The following SEM1 variants were observed in gnomAD, a reference collection of about 807,000 sequenced individuals.
The protein encoded by SEM1 is 26S proteasome complex subunit SEM1.
A neutral mutation model predicts 12.7 loss-of-function variants in SEM1; 3 were observed. The observed-to-expected ratio is 0.24, with a 90% CI of 0.11 to 0.61. The LOEUF is 0.61. SEM1 is among the 20% of genes least tolerant of loss of function. The pLI is 0.88. For synonymous variants in SEM1, 30 were observed against 27.8 expected (o/e 1.08, Z -0.25); for missense variants, 59 against 81.3 (o/e 0.73, Z 1.06).
At chr7:96,509,222 T>C (rs1336385582) in intron 2 of SEM1, among the ~76,000 whole-genome samples, 1 of 150,384 alleles carries the variant, frequency 6.6e-6, no homozygotes, top group Non-Finnish European at 1.5e-5. Context: ...ACCAGGCTGA[T>C]CTTAAACTCC....
chr7:96,682,238 A>C (rs535654334), intron 2 of SEM1, among the ~76,000 whole-genome samples: 51 of 152,232 alleles, frequency 3.4e-4, no homozygotes, highest in African/African-American at 1.2e-3. Flanking sequence ...TTGATTATGT[A>C]TCCTGATACT....
rs1268293246 is a variant in SEM1 at position 96,640,438 on chromosome 7, T to C, written c.171-17795A>G. On this transcript the variant is annotated intron_variant, in intron 2 of 2. Transcript: ENST00000417009. This position sits in a 1 kb window ranked among gnomAD's most constrained non-coding sequence, Gnocchi z 4.0. ...AGCCATGAAAAGACAAAGAGAAAAC[T>C]TAGGTGCATATTACCAAGTGAAGGA... is the stretch of plus-strand genomic sequence containing the variant. Among the ~76,000 whole-genome samples the C allele has an allele frequency of 1.3e-5, 2 of 151,894 alleles. No individual in the cohort carries two copies. The highest frequency in any genetic ancestry group is 2.9e-5 in the Non-Finnish European group (2 of 67,932).
chr7:96,553,250 T>C (rs1457329370), intron 2 of SEM1, among the ~76,000 whole-genome samples: 5 of 151,198 alleles, frequency 3.3e-5, no homozygotes, highest in Non-Finnish European at 5.9e-5. Flanking sequence ...TTTGGTGTTT[T>C]AGACATGAAG....
At chr7:96,671,701 T>C (rs1789321932), downstream of SEM1, among the ~76,000 whole-genome samples, 1 of 152,190 alleles carries the variant, frequency 6.6e-6, no homozygotes, top group Non-Finnish European at 1.5e-5. Flanking sequence ...GGAAAAAGCA[T>C]CCTACCCTGG....
chr7:96,695,397 G>C (rs1032121926), intron 1 of SEM1: 4 of 151,952 alleles, frequency 2.6e-5, no homozygotes, highest in African/African-American at 9.7e-5. Flanking sequence ...ACATAAATAT[G>C]CATAAAGAAG....
chr7:96,588,384 ACACACACACACAC>A (rs367963666), intron 2 of SEM1, among the ~76,000 whole-genome samples: 10,731 of 57,208 alleles, frequency 0.19, 400 homozygotes, highest in South Asian at 0.24. Context: ...ACACACACAC[ACACACACACACAC>A]GAGAGAGAGA....
intron 2 of SEM1, among the ~76,000 whole-genome samples, chr7:96,511,048 C>A (rs530662270): frequency 6.6e-5 from 10 of 152,198 alleles, no homozygotes; most frequent in African/African-American, 2.4e-4. Context: ...CTGAGGAAGG[C>A]TGACATTATC....
At chr7:96,487,357 C>G (rs1802816688) in intron 1 of SEM1, among the ~76,000 whole-genome samples, 1 of 149,916 alleles carries the variant, frequency 6.7e-6, no homozygotes, top group African/African-American at 2.5e-5. Context: ...AACACTAACC[C>G]AAAACATCGA....
chr7:96,709,240 G>A (rs1452878046), intron 1 of SEM1, among the ~76,000 whole-genome samples: 1 of 152,078 alleles, frequency 6.6e-6, no homozygotes, highest in Non-Finnish European at 1.5e-5. Flanking sequence ...TACTTAATGA[G>A]GCTTCATTTG....
intron 2 of SEM1, among the ~76,000 whole-genome samples, chr7:96,680,496 ATAATC>A (rs1336391423): frequency 1.3e-5 from 2 of 152,084 alleles, no homozygotes; most frequent in Non-Finnish European, 2.9e-5. Flanking sequence ...GGCAAAGATG[ATAATC>A]TAGAGTTTTA....
chr7:96,631,189 C>G (rs1808247916), intron 2 of SEM1, among the ~76,000 whole-genome samples: 1 of 152,158 alleles, frequency 6.6e-6, no homozygotes. Context: ...ATCACTGTCT[C>G]TGGGCCCAGT....
chr7:96,695,152 T>C (rs1790048368), intron 1 of SEM1: 1 of 278,578 alleles, frequency 3.6e-6, no homozygotes, highest in African/African-American at 2.2e-5. Context: ...ATATTTACTT[T>C]ACTGATTTTT....
intron 2 of SEM1, among the ~76,000 whole-genome samples, chr7:96,576,799 C>A (rs1223576505): frequency 6.6e-6 from 1 of 152,100 alleles, no homozygotes; most frequent in Non-Finnish European, 1.5e-5. Context: ...ATCACAAAAA[C>A]CTTCCTAATA....
chr7:96,581,795 T>A (rs1327540929), intron 2 of SEM1, among the ~76,000 whole-genome samples: 1 of 151,274 alleles, frequency 6.6e-6, no homozygotes, highest in Non-Finnish European at 1.5e-5. Flanking sequence ...TGTATAAGAA[T>A]GCTTGTGATT....
At chr7:96,636,089 T>G (rs1808417012) in intron 2 of SEM1, among the ~76,000 whole-genome samples, 2 of 152,044 alleles carry the variant, frequency 1.3e-5, no homozygotes, top group South Asian at 4.1e-4. Flanking sequence ...TTAGCAAACC[T>G]CTAGGCTCAA....
chr7:96,519,602 C>G (rs1316808593), intron 2 of SEM1, among the ~76,000 whole-genome samples: 1 of 151,944 alleles, frequency 6.6e-6, no homozygotes, highest in African/African-American at 2.4e-5. Context: ...AGGGAACAAG[C>G]CATGTTAATA....
At chr7:96,493,381 G>A (rs1447280804) in intron 1 of SEM1, among the ~76,000 whole-genome samples, 2 of 152,108 alleles carry the variant, frequency 1.3e-5, no homozygotes, top group African/African-American at 4.8e-5. Context: ...GGTGATACCA[G>A]CGTTCTTCCA....
At chr7:96,617,823 T>C (rs1468680002), downstream of SEM1, among the ~76,000 whole-genome samples, 1 of 152,238 alleles carries the variant, frequency 6.6e-6, no homozygotes, top group African/African-American at 2.4e-5. Flanking sequence ...TAGTTCTGTT[T>C]ATGTGATGTG....
chr7:96,568,016 CA>C (rs1172841333), intron 2 of SEM1, among the ~76,000 whole-genome samples: 3 of 151,386 alleles, frequency 2.0e-5, no homozygotes, highest in Admixed American at 6.6e-5. Flanking sequence ...TGGGTACATA[CA>C]AAAAATAAAA....
Sources: allele counts gnomAD v4.1 joint callset (sites outside exome capture counted in the v4.1 genomes callset), GRCh38; gene constraint gnomAD v4.1.1; non-coding constraint Gnocchi (gnomAD v3.1); transcripts MANE v1.5; gene names NCBI Gene and HGNC (gene_info 2026-07-23, HGNC 2026-07-21).